GPC5: variants seen among roughly 807,000 people sequenced by gnomAD.
GPC5 encodes the protein glypican-5.
Under a neutral mutation model 53.9 loss-of-function variants are expected in GPC5, and 47 were observed. The observed-to-expected ratio is 0.87, with a 90% CI of 0.69 to 1.11. The LOEUF is 1.11. Ranked by LOEUF, GPC5 falls within the 50% of genes most tolerant of loss-of-function variation. The pLI, the probability that GPC5 is intolerant of heterozygous loss-of-function variation, is 0.00. For synonymous variants in GPC5, 286 were observed against 263.3 expected (o/e 1.09, Z -0.84); for missense variants, 748 against 713.1 (o/e 1.05, Z -0.56).
At chr13:92,709,864 C>T (rs1888076128) in intron 7 of GPC5, among the ~76,000 whole-genome samples, 1 of 152,104 alleles carries the variant, frequency 6.6e-6, no homozygotes, top group Admixed American at 6.6e-5. Context: ...AAGAATAAGC[C>T]CTAGAGAGTT....
intron 7 of GPC5, among the ~76,000 whole-genome samples, chr13:92,206,003 C>G (rs1488659364): frequency 6.9e-6 from 1 of 144,946 alleles, no homozygotes; most frequent in Admixed American, 6.9e-5. Context: ...GATCGCACCA[C>G]TGCACTCCAG....
intron 7 of GPC5, among the ~76,000 whole-genome samples, chr13:92,297,935 G>C (rs903477367): frequency 1.3e-4 from 20 of 152,144 alleles, no homozygotes; most frequent in African/African-American, 4.3e-4. Context: ...AGCCCACTGG[G>C]AGGAACGAAC....
intron 7 of GPC5, among the ~76,000 whole-genome samples, chr13:92,383,880 C>A (rs2043770679): frequency 6.6e-6 from 1 of 152,046 alleles, no homozygotes; most frequent in Non-Finnish European, 1.5e-5. Flanking sequence ...ATGCAACTGT[C>A]AGAATATAAA....
intron 7 of GPC5, among the ~76,000 whole-genome samples, chr13:92,373,941 A>G (rs1270819906): frequency 6.6e-6 from 1 of 152,192 alleles, no homozygotes; most frequent in Admixed American, 6.6e-5. Flanking sequence ...ATGTTGCTAG[A>G]TGTAGTTACT....
intron 7 of GPC5, among the ~76,000 whole-genome samples, chr13:92,195,914 G>A (rs972596559): frequency 5.3e-5 from 8 of 152,148 alleles, no homozygotes; most frequent in Non-Finnish European, 7.3e-5. Flanking sequence ...GGCTCTGAGA[G>A]TGACCTGAAG....
In GPC5 at chr13:91,503,217, T is replaced by C. The variant is rs185748049; in HGVS notation, c.325+54295T>C. Reference sequence around the variant, plus strand: ...AAGACAGTGAATACACTCAGAGGAATGGTAGAGCTTTTCAGAATGATGAGA... The same window carrying C: ...AAGACAGTGAATACACTCAGAGGAACGGTAGAGCTTTTCAGAATGATGAGA... On this transcript the variant is annotated intron_variant, in intron 2 of 7. Coordinates refer to ENST00000377067, the MANE Select transcript of GPC5 (RefSeq NM_004466.6). 7.2e-5 allele frequency among the ~76,000 whole-genome samples: 11 copies of C among 152,276 alleles called. No homozygotes were observed. The East Asian group carries it at 1.9e-3, about 27-fold the overall frequency.
intron 7 of GPC5, among the ~76,000 whole-genome samples, chr13:92,455,456 C>T (rs1878227223): frequency 6.6e-6 from 1 of 152,032 alleles, no homozygotes; most frequent in African/African-American, 2.4e-5. Context: ...AAAGTGTAAT[C>T]AGTCACTATC....
intron 6 of GPC5, among the ~76,000 whole-genome samples, chr13:91,934,388 A>C (rs9523453): frequency 0.38 from 58,196 of 151,742 alleles, 13,084 homozygotes; most frequent in East Asian, 0.74. Context: ...GACCCTGGGC[A>C]GTGACACATT....
intron 7 of GPC5, among the ~76,000 whole-genome samples, chr13:92,276,774 T>C (rs1007236639): frequency 8.5e-5 from 13 of 152,140 alleles, no homozygotes; most frequent in African/African-American, 3.1e-4. Context: ...AATAGATGTA[T>C]AATGACCTGC....
At chr13:92,631,252 T>TA (rs1275224365) in intron 7 of GPC5, among the ~76,000 whole-genome samples, 3 of 152,136 alleles carry the variant, frequency 2.0e-5, no homozygotes, top group Admixed American at 6.5e-5. Context: ...TGATTTGTGC[T>TA]AAAAAATAAC....
chr13:92,445,293 G>GTTTTTTTTTTTTTTTTTTTT (rs547006896), intron 7 of GPC5, among the ~76,000 whole-genome samples: 1 of 130,634 alleles, frequency 7.7e-6, no homozygotes, highest in Non-Finnish European at 1.6e-5. Context: ...CTCTTTTTGT[G>GTTTTTTTTTTTTTTTTTTTT]ATTTTTTTTG....
chr13:92,392,422 A>T (rs987485625), intron 7 of GPC5, among the ~76,000 whole-genome samples: 10 of 152,312 alleles, frequency 6.6e-5, no homozygotes, highest in African/African-American at 2.2e-4. Context: ...TAAAGACTTA[A>T]ATGTAAAACC....
At chr13:92,644,640 T>C (rs1885706421) in intron 7 of GPC5, among the ~76,000 whole-genome samples, 7 of 152,272 alleles carry the variant, frequency 4.6e-5, no homozygotes, top group Admixed American at 3.9e-4. Context: ...TCCTATCCTT[T>C]TATGTCACTC....
intron 7 of GPC5, among the ~76,000 whole-genome samples, chr13:92,267,628 A>G (rs9523566): frequency 0.35 from 52,483 of 151,926 alleles, 9,734 homozygotes; most frequent in African/African-American, 0.48. Context: ...TTTAAAATTA[A>G]GTCATGTCTC....
At chr13:92,279,441 G>A (rs1205428259) in intron 7 of GPC5, among the ~76,000 whole-genome samples, 3 of 151,934 alleles carry the variant, frequency 2.0e-5, no homozygotes, top group Admixed American at 6.6e-5. Context: ...AATAGAGATA[G>A]TTTTTACTTC....
intron 2 of GPC5, among the ~76,000 whole-genome samples, chr13:91,556,933 T>C (rs766584189): frequency 6.6e-6 from 1 of 152,050 alleles, no homozygotes; most frequent in Non-Finnish European, 1.5e-5. Flanking sequence ...CTTACTCATG[T>C]AACCAAACAC....
At chr13:91,761,877 G>C (rs2037420360) in intron 5 of GPC5, among the ~76,000 whole-genome samples, 1 of 152,104 alleles carries the variant, frequency 6.6e-6, no homozygotes, top group African/African-American at 2.4e-5. Flanking sequence ...TCCCCTCCCT[G>C]GAGGTTGGTG....
At chr13:91,575,847 C>T (rs1300808114) in intron 2 of GPC5, among the ~76,000 whole-genome samples, 1 of 152,068 alleles carries the variant, frequency 6.6e-6, no homozygotes, top group Non-Finnish European at 1.5e-5. Context: ...ACTTTTTATA[C>T]TATACCAATT....
intron 6 of GPC5, among the ~76,000 whole-genome samples, chr13:91,959,978 C>A (rs1037611811): frequency 2.6e-5 from 4 of 151,920 alleles, no homozygotes; most frequent in South Asian, 2.1e-4. Flanking sequence ...CCAAAACCAG[C>A]ATCATACTGA....
Sources: allele counts gnomAD v4.1 joint callset (sites outside exome capture counted in the v4.1 genomes callset), GRCh38; gene constraint gnomAD v4.1.1; transcripts MANE v1.5; gene names NCBI Gene and HGNC (gene_info 2026-07-23, HGNC 2026-07-21).